Variants in TECRL observed in about 807,000 individuals in gnomAD.
TECRL encodes trans-2,3-enoyl-CoA reductase like.
TECRL carries 63 observed loss-of-function variants against 52.8 expected under a neutral mutation model. That is an observed-to-expected ratio of 1.19 (90% confidence interval 0.97 to 1.47). The LOEUF (loss-of-function observed/expected upper bound fraction) is 1.47, where lower values mean the gene tolerates loss of function less well. TECRL is among the 40% of genes most tolerant of loss of function. The pLI is 0.00. For synonymous variants in TECRL, 164 were observed against 141.9 expected, an observed-to-expected ratio of 1.16 and a Z score of -1.10; for missense variants, 482 against 429.6, an observed-to-expected ratio of 1.12 and a Z score of -1.08.
intron 1 of TECRL, among the ~76,000 whole-genome samples, chr4:64,388,058 T>C (rs1051983688): frequency 4.0e-5 from 6 of 151,774 alleles, no homozygotes; most frequent in African/African-American, 1.4e-4. Flanking sequence ...TAATTTTTTT[T>C]CAAAAGATCT....
intron 2 of TECRL, among the ~76,000 whole-genome samples, chr4:64,342,123 A>G (rs1238931328): frequency 6.6e-6 from 1 of 152,076 alleles, no homozygotes; most frequent in Non-Finnish European, 1.5e-5. Context: ...CACCCTAAAA[A>G]TCTCATAAAA....
intron 2 of TECRL, among the ~76,000 whole-genome samples, chr4:64,336,287 A>G (rs1482207180): frequency 6.7e-6 from 1 of 148,702 alleles, no homozygotes; most frequent in African/African-American, 2.6e-5. Context: ...TAGATTTTCT[A>G]GTTTATTTGC....
chr4:64,327,770 C>T (rs538619607), intron 3 of TECRL, among the ~76,000 whole-genome samples: 6 of 151,768 alleles, frequency 4.0e-5, no homozygotes, highest in Admixed American at 3.3e-4. Context: ...GCATGTAATA[C>T]CTAAGAGAGG....
At chr4:64,387,036 A>G (rs1318237180) in intron 1 of TECRL, among the ~76,000 whole-genome samples, 1 of 152,150 alleles carries the variant, frequency 6.6e-6, no homozygotes, top group Non-Finnish European at 1.5e-5. Context: ...ACATTATAGT[A>G]TTATGCACAG....
chr4:64,326,679 C>A (rs1210964831), intron 3 of TECRL, among the ~76,000 whole-genome samples: 1 of 152,100 alleles, frequency 6.6e-6, no homozygotes, highest in African/African-American at 2.4e-5. Context: ...CCTAACAGCC[C>A]AGCAGCTCAC....
intron 2 of TECRL, among the ~76,000 whole-genome samples, chr4:64,332,687 C>T (rs1375626789): frequency 6.6e-6 from 1 of 152,022 alleles, no homozygotes; most frequent in Non-Finnish European, 1.5e-5. Context: ...GAAAGAAACA[C>T]AGACATTTTG....
At chr4:64,285,997 C>T (rs1723062430) in intron 9 of TECRL, among the ~76,000 whole-genome samples, 1 of 152,114 alleles carries the variant, frequency 6.6e-6, no homozygotes, top group Non-Finnish European at 1.5e-5. Context: ...GTAACCTCAT[C>T]TGTAAAAAAC....
At chr4:64,314,406 T>C (rs1169949071) in intron 5 of TECRL, among the ~76,000 whole-genome samples, 1 of 152,156 alleles carries the variant, frequency 6.6e-6, no homozygotes, top group Non-Finnish European at 1.5e-5. Flanking sequence ...CATTGGTAAA[T>C]TACCTCTATT....
rs755046807 is a variant in TECRL at position 64,355,642 on chromosome 4, CA to C, written c.286+19529del. Among the ~76,000 whole-genome samples, 46 of 147,340 alleles carry C rather than the reference CA, an allele frequency of 3.1e-4. 1 individual carries two copies. The East Asian group carries it at 6.0e-3, about 19-fold the overall frequency. On this transcript the variant is annotated intron_variant, in intron 2 of 11. Transcript: ENST00000381210. Reference sequence around the variant, plus strand: ...TGAAACCGAGTCTCTACTAAAAATCCAAAAAAAAAATTAGCCGGGCATGGTG... The same window carrying C: ...TGAAACCGAGTCTCTACTAAAAATCCAAAAAAAAATTAGCCGGGCATGGTG...
rs779831110 is a variant in TECRL at position 64,309,874 on chromosome 4, A to G, written c.609T>C (p.Phe203=). ...HYIRYLLETL[F]VHKVSAGHTP... is the part of the protein sequence containing the mutation. ...TGTGTCCTGCAGAAACTTTGTGAAC[A>G]AATAAGGTTTCCAAAAGGTATCGGA... Residue 203 remains phenylalanine, a synonymous_variant, in exon 6 of 12, where the codon TTT becomes TTC. Coordinates refer to ENST00000381210, the MANE Select transcript of TECRL (RefSeq NM_001010874.5). The G allele has an allele frequency of 6.2e-7, 1 of 1,613,100 alleles. No homozygotes were observed. The highest frequency in any genetic ancestry group is 8.5e-7 in the Non-Finnish European group (1 of 1,179,384).
intron 2 of TECRL, among the ~76,000 whole-genome samples, chr4:64,347,009 T>A (rs896946697): frequency 6.6e-6 from 1 of 152,216 alleles, no homozygotes; most frequent in African/African-American, 2.4e-5. Context: ...AGAATTGTGT[T>A]ATTTGACATT....
chr4:64,284,991 T>G (rs989289118), intron 9 of TECRL, among the ~76,000 whole-genome samples: 2 of 152,078 alleles, frequency 1.3e-5, no homozygotes, highest in Non-Finnish European at 2.9e-5. Context: ...CTTCATTGAT[T>G]CAGGGAACCA....
At chr4:64,308,313 A>G (rs1266678705) in intron 6 of TECRL, among the ~76,000 whole-genome samples, 1 of 152,114 alleles carries the variant, frequency 6.6e-6, no homozygotes, top group East Asian at 1.9e-4. Context: ...ACAGACAAGA[A>G]CTGAGATGCA....
chr4:64,408,030 GTTCAA>G (rs1724842683), intron 1 of TECRL, among the ~76,000 whole-genome samples: 1 of 151,560 alleles, frequency 6.6e-6, no homozygotes, highest in East Asian at 1.9e-4. Flanking sequence ...AGATCTTTTA[GTTCAA>G]TTCATGACCT....
At chr4:64,368,868 C>T (rs554821202) in intron 2 of TECRL, among the ~76,000 whole-genome samples, 54 of 152,180 alleles carry the variant, frequency 3.5e-4, no homozygotes, top group Non-Finnish European at 7.1e-4. Flanking sequence ...AGTTACTATC[C>T]TTGAACCTTT....
downstream of TECRL, chr4:64,276,916 A>T (rs563634458): frequency 5.1e-5 from 32 of 631,024 alleles, no homozygotes; most frequent in African/African-American, 5.6e-4. Flanking sequence ...TAAAACCTGT[A>T]AATGAAGGTT....
At chr4:64,361,567 TC>T (rs1184523590) in intron 2 of TECRL, among the ~76,000 whole-genome samples, 2 of 152,094 alleles carry the variant, frequency 1.3e-5, no homozygotes, top group African/African-American at 2.4e-5. Flanking sequence ...GGCCCAGCCC[TC>T]CAGTGTTAAA....
intron 2 of TECRL, among the ~76,000 whole-genome samples, chr4:64,357,077 A>G (rs1035915565): frequency 6.6e-6 from 1 of 152,202 alleles, no homozygotes; most frequent in African/African-American, 2.4e-5. Flanking sequence ...ACTGAGACCT[A>G]TATATTAAAA....
intron 2 of TECRL, among the ~76,000 whole-genome samples, chr4:64,365,903 C>T (rs1721568986): frequency 6.6e-6 from 1 of 151,866 alleles, no homozygotes; most frequent in Non-Finnish European, 1.5e-5. Flanking sequence ...TTATGTAAAA[C>T]CAATAAAGAT....
Sources: gnomAD v4.1 joint callset for allele counts (sites outside exome capture counted in the v4.1 genomes callset) on GRCh38, gnomAD v4.1.1 for gene constraint, MANE v1.5 for transcripts, NCBI Gene and HGNC (gene_info 2026-07-23, HGNC 2026-07-21) for gene names.